The following PCDHGB3 variants were observed in gnomAD, a reference collection of about 807,000 sequenced individuals.
PCDHGB3 encodes protocadherin gamma-B3.
In PCDHGB3, 40 loss-of-function variants were observed where a neutral mutation model predicts 59.2. The ratio of observed to expected loss-of-function variants is 0.68; its 90% CI spans 0.52 to 0.88. The LOEUF is 0.88. Among genes scored for constraint, PCDHGB3 ranks in the 40% least tolerant of loss-of-function variants. PCDHGB3 has a pLI of 0.00. For synonymous variants in PCDHGB3, 581 were observed against 503.6 expected, an observed-to-expected ratio of 1.15 and a Z score of -2.06; for missense variants, 1,309 against 1,187.9, an observed-to-expected ratio of 1.10 and a Z score of -1.50.
chr5:141,478,292 C>T, intron 1 of PCDHGB3: 1 of 1,614,146 alleles, frequency 6.2e-7, no homozygotes, highest in Non-Finnish European at 8.5e-7. Flanking sequence ...GTCTAGAGAC[C>T]TATACCGAGC....
rs779065098 is a variant in PCDHGB3, at chr5:141,491,758, C to G, written c.2416-3049C>G. The G allele has an allele frequency of 1.9e-6, 3 of 1,578,788 alleles. No individual in the cohort carries two copies. The highest frequency in any genetic ancestry group is 1.7e-4 in the Middle Eastern group (1 of 5,954). ...TGGGGGCGGCACTGGAGAAGCCGCCCGTCCTCATAAGGGATTGAACTTGCA... is the reference window on the plus strand; with the variant it reads ...TGGGGGCGGCACTGGAGAAGCCGCCGGTCCTCATAAGGGATTGAACTTGCA... On this transcript the variant is annotated intron_variant, in intron 1 of 3. Transcript: ENST00000576222. This position sits in a 1 kb window ranked among gnomAD's most constrained non-coding sequence, Gnocchi z 6.9.
chr5:141,453,067 C>A (rs1227122711), intron 1 of PCDHGB3, among the ~76,000 whole-genome samples: 1 of 152,024 alleles, frequency 6.6e-6, no homozygotes, highest in African/African-American at 2.4e-5. Context: ...AGAGTTTTGC[C>A]ACACTCTGGT....
intron 1 of PCDHGB3, among the ~76,000 whole-genome samples, chr5:141,387,210 C>T (rs944882080): frequency 3.9e-5 from 6 of 152,012 alleles, no homozygotes; most frequent in Non-Finnish European, 5.9e-5. Context: ...CTGATACTCT[C>T]CGGAAAAAGT....
chr5:141,390,534 A>C (rs2092170785), intron 1 of PCDHGB3: 1 of 525,162 alleles, frequency 1.9e-6, no homozygotes, highest in Non-Finnish European at 3.3e-6. Context: ...TGTGGTTTTA[A>C]CCACAAAGTG....
chr5:141,386,939 A>T (rs2150323633), intron 1 of PCDHGB3, among the ~76,000 whole-genome samples: 1 of 152,358 alleles, frequency 6.6e-6, no homozygotes, highest in South Asian at 2.1e-4. Flanking sequence ...AGAGGTAGGA[A>T]GCAGTGCTTC....
At chr5:141,406,025 G>A (rs1367856742) in intron 1 of PCDHGB3, among the ~76,000 whole-genome samples, 1 of 151,502 alleles carries the variant, frequency 6.6e-6, no homozygotes, top group Non-Finnish European at 1.5e-5. Flanking sequence ...TTTTGGGTAG[G>A]GTTGCTTCAT....
intron 1 of PCDHGB3, chr5:141,420,119 T>C: frequency 6.2e-7 from 1 of 1,614,044 alleles, no homozygotes; most frequent in Non-Finnish European, 8.5e-7. Context: ...TGCCTATAAT[T>C]TTTGTGTGCC....
intron 1 of PCDHGB3, among the ~76,000 whole-genome samples, chr5:141,407,512 T>C (rs910710605): frequency 6.6e-6 from 1 of 152,192 alleles, no homozygotes; most frequent in East Asian, 1.9e-4. Context: ...TCTTAGGCTA[T>C]GTAGGACTTA....
intron 2 of PCDHGB3, among the ~76,000 whole-genome samples, chr5:141,498,789 C>T (rs1302940884): frequency 6.6e-6 from 1 of 151,980 alleles, no homozygotes; most frequent in Non-Finnish European, 1.5e-5. Context: ...AAATATTAGC[C>T]AGGTGTGGTG....
intron 1 of PCDHGB3, chr5:141,393,474 C>T (rs773609499): frequency 6.2e-7 from 1 of 1,613,926 alleles, no homozygotes; most frequent in African/African-American, 1.3e-5. Context: ...CGGCAAGCCG[C>T]CTCGCTCTAG....
intron 1 of PCDHGB3, among the ~76,000 whole-genome samples, chr5:141,461,415 T>C (rs2099015091): frequency 6.6e-6 from 1 of 152,152 alleles, no homozygotes; most frequent in Non-Finnish European, 1.5e-5. Flanking sequence ...TTTCATATGT[T>C]TGTGGGCCAT....
intron 1 of PCDHGB3, chr5:141,395,364 AT>A: frequency 1.6e-6 from 2 of 1,264,440 alleles, no homozygotes; most frequent in Non-Finnish European, 2.1e-6. Context: ...TTTTGGGTTT[AT>A]TTTGGTGGTG....
chr5:141,407,159 A>G (rs1349203478), intron 1 of PCDHGB3, among the ~76,000 whole-genome samples: 1 of 152,232 alleles, frequency 6.6e-6, no homozygotes, highest in Non-Finnish European at 1.5e-5. Context: ...AGTGTCTGGG[A>G]ATCCTTTATG....
intron 1 of PCDHGB3, chr5:141,375,823 C>A (rs1771937674): frequency 6.2e-7 from 1 of 1,614,098 alleles, no homozygotes; most frequent in African/African-American, 1.3e-5. Context: ...TGGCGCCCCG[C>A]TCCGCAGAGC....
intron 1 of PCDHGB3, chr5:141,433,049 C>A (rs1418118305): frequency 6.2e-7 from 1 of 1,614,110 alleles, no homozygotes; most frequent in Admixed American, 1.7e-5. Flanking sequence ...CACGGACTCG[C>A]GGAAGAGTCA....
chr5:141,453,205 G>A lies in PCDHGB3; in HGVS notation c.2416-41602G>A, dbSNP rs570291941. On this transcript the variant is annotated intron_variant, in intron 1 of 3. Coordinates refer to ENST00000576222, the MANE Select transcript of PCDHGB3 (RefSeq NM_018924.5). ...CACAGCTCACTGCAGCCTCAACCTC[G>A]TGCACTTAAGCGATCCTCCCACCTC... Among the ~76,000 whole-genome samples the A allele has an allele frequency of 1.1e-4, 17 of 151,990 alleles. No individual in the cohort carries two copies. In the East Asian group the frequency reaches 2.5e-3, roughly 22 times the overall value.
intron 1 of PCDHGB3, chr5:141,390,051 A>C: frequency 6.2e-7 from 1 of 1,613,978 alleles, no homozygotes; most frequent in Non-Finnish European, 8.5e-7. Context: ...CGCCTCCTGG[A>C]GCTGCTTCCA....
At chr5:141,473,810 G>A (rs549204595) in intron 1 of PCDHGB3, among the ~76,000 whole-genome samples, 1 of 152,334 alleles carries the variant, frequency 6.6e-6, no homozygotes, top group South Asian at 2.1e-4. Flanking sequence ...CTGAGGAGCA[G>A]CTGGACAATT....
Position 141,491,522 on chromosome 5 carries a change from A to G in PCDHGB3, c.2416-3285A>G, listed in dbSNP as rs778246278. ...TCGGACGGCACGCTCAAGTACATGG[A>G]GGTGACGCTGCGGCCCACAGACTCG... is the stretch of plus-strand genomic sequence containing the variant. On this transcript the variant is annotated intron_variant, in intron 1 of 3. Coordinates refer to ENST00000576222, the MANE Select transcript of PCDHGB3 (RefSeq NM_018924.5). The surrounding 1 kb of genome is among the most constrained non-coding windows in gnomAD (Gnocchi z 6.9). 8.1e-6 allele frequency: 13 copies of G among 1,614,024 alleles called. No homozygotes were observed. Among genetic ancestry groups the G allele is most frequent in the Non-Finnish European group, 1.1e-5 (13 of 1,180,002 alleles).
Sources: gnomAD v4.1 joint callset for allele counts (sites outside exome capture counted in the v4.1 genomes callset) on GRCh38, gnomAD v4.1.1 for gene constraint, Gnocchi (gnomAD v3.1) non-coding constraint, MANE v1.5 for transcripts, NCBI Gene and HGNC (gene_info 2026-07-23, HGNC 2026-07-21) for gene names.